Variants in DNAH9 observed in about 807,000 individuals in gnomAD.
The protein encoded by DNAH9 is dynein axonemal heavy chain 9.
DNAH9 carries 345 observed loss-of-function variants against 471.6 expected under a neutral mutation model. That is an observed-to-expected ratio of 0.73 (90% CI 0.67 to 0.80). DNAH9 has a LOEUF of 0.80. Ranked by LOEUF, DNAH9 falls within the 30% of genes least tolerant of loss-of-function variation. The probability of loss-of-function intolerance (pLI) is 0.00; values close to 1 mark genes in which losing one functional copy is unlikely to be tolerated. For missense variants in DNAH9, 5,407 were observed against 5,609.2 expected (o/e 0.96, Z 1.15); for synonymous variants, 2,093 against 2,123.6 (o/e 0.99, Z 0.40).
chr17:11,943,283 T>A (rs974010285), intron 67 of DNAH9, among the ~76,000 whole-genome samples: 7 of 152,198 alleles, frequency 4.6e-5, no homozygotes, highest in Non-Finnish European at 8.8e-5. Context: ...GCCTTCATCA[T>A]GTCTGTCTCT....
chr17:11,856,065 C>T (rs1160315138), intron 50 of DNAH9, among the ~76,000 whole-genome samples: 1 of 152,186 alleles, frequency 6.6e-6, no homozygotes, highest in South Asian at 2.1e-4. Context: ...TCAACCACTA[C>T]TGTGTGAGCG....
Position 11,749,185 on chromosome 17 carries a change from C to T in DNAH9, c.6610+1419C>T, listed in dbSNP as rs138172753. Among the ~76,000 whole-genome samples the T allele has an allele frequency of 7.1e-3, 1,068 of 149,590 alleles. 15 individuals are homozygous for T. Among genetic ancestry groups the T allele is most frequent in the African/African-American group, 0.025 (1,014 of 40,750 alleles). Reference sequence around the variant, plus strand: ...CTGCAAGCTCTGCCTCCCAGGTTCACGCCATTCTTCTGCCTCAGCCTCCCG... The same window carrying T: ...CTGCAAGCTCTGCCTCCCAGGTTCATGCCATTCTTCTGCCTCAGCCTCCCG... On this transcript the variant is annotated intron_variant, in intron 32 of 68. Transcript: ENST00000262442.
chr17:11,709,370 C>T (rs531849132), intron 26 of DNAH9, among the ~76,000 whole-genome samples: 3 of 152,224 alleles, frequency 2.0e-5, no homozygotes, highest in African/African-American at 7.2e-5. Context: ...CATTGACTTC[C>T]ATTATTATCT....
Position 11,810,241 on chromosome 17 carries a change from T to A in DNAH9, c.8584-5T>A, listed in dbSNP as rs1159431883. 6.2e-7 allele frequency: 1 copy of A among 1,610,220 alleles called. No homozygotes were observed. Among genetic ancestry groups the A allele is most frequent in the African/African-American group, 1.3e-5 (1 of 74,728 alleles). ...AGAGATTTCTGATATTGACCATTCC[T>A]ACAGATGGACCTGGCCAGCCTGTGT... On this transcript the variant is annotated splice_region_variant and splice_polypyrimidine_tract_variant and intron_variant, in intron 44 of 68. Coordinates refer to ENST00000262442, the MANE Select transcript of DNAH9 (RefSeq NM_001372.4).
chr17:11,968,482 A>C (rs879189981), intron 68 of DNAH9, among the ~76,000 whole-genome samples: 2 of 152,274 alleles, frequency 1.3e-5, no homozygotes, highest in Admixed American at 1.3e-4. Context: ...ATAAGGCACT[A>C]GTGCTATGGG....
chr17:11,645,879 CTTTTTTTT>C (rs760279719), intron 11 of DNAH9, among the ~76,000 whole-genome samples: 3 of 70,616 alleles, frequency 4.2e-5, no homozygotes, highest in Admixed American at 1.3e-4. Context: ...TTTTCTTTTT[CTTTTTTTT>C]TTTTTTTTTT....
At chr17:11,701,791 G>C (rs562407273) in intron 24 of DNAH9, among the ~76,000 whole-genome samples, 1 of 152,310 alleles carries the variant, frequency 6.6e-6, no homozygotes, top group South Asian at 2.1e-4. Flanking sequence ...CCACTCTCCT[G>C]CCTCAGCCTC....
At chr17:11,695,193 G>T (rs1020743338) in intron 22 of DNAH9, among the ~76,000 whole-genome samples, 1 of 151,870 alleles carries the variant, frequency 6.6e-6, no homozygotes, top group Non-Finnish European at 1.5e-5. Context: ...CGGCCACCTC[G>T]GAGCTTTCTT....
intron 1 of DNAH9, among the ~76,000 whole-genome samples, 172 bp from the exon 2 acceptor site, chr17:11,607,957 A>G (rs921633696): frequency 2.6e-5 from 4 of 152,204 alleles, no homozygotes; most frequent in African/African-American, 9.6e-5. Context: ...GGGCTTCCCC[A>G]ATTTACCAGA....
chr17:11,917,740 A>G lies in DNAH9; in HGVS notation c.11750-6074A>G, dbSNP rs114913468. Among the ~76,000 whole-genome samples, 230 of 152,350 alleles carry G rather than the reference A, an allele frequency of 1.5e-3. 1 individual carries two copies. The highest frequency in any genetic ancestry group is 5.1e-3 in the African/African-American group (213 of 41,584). ...AAAGGCTTTGAAAAGCCGAGAGTAC[A>G]GTAGCATTGCATGGCGTTACGATGA... is the stretch of plus-strand genomic sequence containing the variant. On this transcript the variant is annotated intron_variant, in intron 61 of 68. Transcript: ENST00000262442.
chr17:11,741,873 A>G (rs1362192114), intron 29 of DNAH9, among the ~76,000 whole-genome samples: 1 of 152,192 alleles, frequency 6.6e-6, no homozygotes, highest in Admixed American at 6.5e-5. Context: ...AAGTCACAAG[A>G]CTTGAGTGGT....
chr17:11,906,959 A>G (rs1359274495), intron 61 of DNAH9, among the ~76,000 whole-genome samples: 5 of 152,214 alleles, frequency 3.3e-5, no homozygotes, highest in African/African-American at 4.8e-5. Context: ...GCAAACCACC[A>G]TGGCACATGT....
At chr17:11,753,203 G>A (rs1001292592) in intron 33 of DNAH9, among the ~76,000 whole-genome samples, 6 of 152,206 alleles carry the variant, frequency 3.9e-5, no homozygotes, top group Admixed American at 1.3e-4. Flanking sequence ...GCATCAGAAT[G>A]TTCTGCACAT....
intron 51 of DNAH9, 61 bp from the exon 52 acceptor site, chr17:11,871,537 C>G: frequency 6.7e-7 from 1 of 1,499,974 alleles, no homozygotes; most frequent in Non-Finnish European, 9.2e-7. Context: ...ATGATGGAAT[C>G]ACGGCTCTAT....
intron 28 of DNAH9, among the ~76,000 whole-genome samples, chr17:11,728,725 A>C (rs2075202304): frequency 6.6e-6 from 1 of 152,104 alleles, no homozygotes; most frequent in African/African-American, 2.4e-5. Context: ...ACGTTTGAAT[A>C]AGCTTTTGTT....
At chr17:11,681,888 T>C (rs1378500925) in intron 19 of DNAH9, among the ~76,000 whole-genome samples, 1 of 152,340 alleles carries the variant, frequency 6.6e-6, no homozygotes, top group Middle Eastern at 3.4e-3. Flanking sequence ...TTACTTCTTA[T>C]GTTATGACAA....
intron 67 of DNAH9, 70 bp downstream of exon 67, chr17:11,942,555 A>T: frequency 6.7e-7 from 1 of 1,498,580 alleles, no homozygotes; most frequent in Non-Finnish European, 9.0e-7. Context: ...ATGGGGAAGA[A>T]GGAGCACTGG....
chr17:11,843,862 T>TA, intron 49 of DNAH9, among the ~76,000 whole-genome samples: 1 of 86,192 alleles, frequency 1.2e-5, no homozygotes, highest in African/African-American at 5.1e-5. Flanking sequence ...TGTGTGTGTG[T>TA]GTATATATAT....
At chr17:11,788,742 T>C (rs1968961414) in intron 41 of DNAH9, among the ~76,000 whole-genome samples, 1 of 152,182 alleles carries the variant, frequency 6.6e-6, no homozygotes, top group South Asian at 2.1e-4. Context: ...CTTTTTCTTG[T>C]CTTATTGTGC....
Sources: allele counts gnomAD v4.1 joint callset (sites outside exome capture counted in the v4.1 genomes callset), GRCh38; gene constraint gnomAD v4.1.1; transcripts MANE v1.5; gene names NCBI Gene and HGNC (gene_info 2026-07-23, HGNC 2026-07-21).